The following NDEL1 variants were observed in gnomAD, a reference collection of about 807,000 sequenced individuals.
NDEL1 encodes the protein nuclear distribution protein nudE-like 1.
Under a neutral mutation model 45.7 loss-of-function variants are expected in NDEL1, and 9 were observed. The observed-to-expected ratio is 0.20, with a 90% CI of 0.12 to 0.34. NDEL1 has a LOEUF of 0.34. NDEL1 is among the 10% of genes least tolerant of loss of function. NDEL1 has a pLI of 1.00. For missense variants in NDEL1, 306 were observed against 406.2 expected (o/e 0.75, Z 2.12); for synonymous variants, 133 against 158.6 (o/e 0.84, Z 1.21).
At chr17:8,462,993 CTG>C in intron 8 of NDEL1, 1 of 223,390 alleles carries the variant, frequency 4.5e-6, no homozygotes, top group Non-Finnish European at 8.7e-6. Context: ...TTTGTCTAGT[CTG>C]TGAGCACTTC....
rs542074551 is a variant in NDEL1 at position 8,436,187 on chromosome 17, G to C, written c.-13+142G>C. ...GCCGGGCCGGGTTCCGGGGCGGCCA[G>C]CCTGGGGGCAACTGTTCCAACCGCT... On this transcript the variant is annotated intron_variant, in intron 1 of 8. Transcript: ENST00000334527. 4 of 246,030 alleles carry C rather than the reference G, an allele frequency of 1.6e-5. No individual in the cohort carries two copies. In the East Asian group the frequency reaches 5.3e-4, roughly 32 times the overall value. 15.2% of individuals were successfully genotyped at this position (246,030 alleles called of 1,614,324 possible).
At chr17:8,414,714 T>A (rs1300795019) in intron 1 of NDEL1, among the ~76,000 whole-genome samples, 2 of 151,698 alleles carry the variant, frequency 1.3e-5, no homozygotes, top group Non-Finnish European at 2.9e-5. Flanking sequence ...TGAGGCCGGG[T>A]CTTGCTATGT....
intron 1 of NDEL1, chr17:8,444,048 C>G (rs1001160264): frequency 7.1e-6 from 3 of 420,326 alleles, no homozygotes; most frequent in African/African-American, 6.2e-5. Flanking sequence ...ATCAAAGGAC[C>G]TTTGTCATGA....
intron 7 of NDEL1, among the ~76,000 whole-genome samples, chr17:8,455,273 C>T (rs1450936462): frequency 6.6e-6 from 1 of 152,240 alleles, no homozygotes; most frequent in African/African-American, 2.4e-5. Context: ...GGGACTTTAA[C>T]ATTTGGCTCA....
At chr17:8,422,371 C>T (rs1334128374) in intron 1 of NDEL1, among the ~76,000 whole-genome samples, 1 of 151,958 alleles carries the variant, frequency 6.6e-6, no homozygotes. Flanking sequence ...TGCAGTGGTG[C>T]GATCTTGGCT....
In NDEL1 at chr17:8,467,130, C is replaced by T. The variant is rs774782993; in HGVS notation, c.*107C>T. 1.2e-5 allele frequency: 14 copies of T among 1,127,154 alleles called. No homozygotes were observed. The highest frequency in any genetic ancestry group is 4.8e-5 in the East Asian group (2 of 42,016). The allele number at this position is 1,127,154 out of a possible 1,614,324, so 69.8% of individuals were successfully genotyped here. On this transcript the variant is annotated 3_prime_UTR_variant, in exon 9 of 9. Coordinates refer to ENST00000334527, the MANE Select transcript of NDEL1 (RefSeq NM_030808.5). This position sits in a 1 kb window ranked among gnomAD's most constrained non-coding sequence, Gnocchi z 6.3. The stretch of plus-strand genomic sequence containing the variant: ...AGCCCCGTGCCCCTCCGTCTGCCTC[C>T]GCACGGCTGGCAGAGGGCAGGCTGC...
At chr17:8,435,855 C>G, upstream of NDEL1, 1 of 446,516 alleles carries the variant, frequency 2.2e-6, no homozygotes, top group South Asian at 1.6e-5. Flanking sequence ...CGCCCCCGTG[C>G]GTCACAGAAT....
At chr17:8,449,936 A>G (rs927820358) in intron 5 of NDEL1, among the ~76,000 whole-genome samples, 2 of 152,218 alleles carry the variant, frequency 1.3e-5, no homozygotes, top group Admixed American at 1.3e-4. Flanking sequence ...ACAAGCAAAT[A>G]TTCTGTAAGT....
In NDEL1 at chr17:8,427,200, G is replaced by T. The variant is rs190549665; in HGVS notation, c.-13+13931G>T. On this transcript the variant is annotated intron_variant, in intron 1 of 4. Transcript: ENST00000582812. Reference sequence around the variant, plus strand: ...CTGATGGGAGAGCTGAGGTTTGGGAGTCTGAGCTGCTTTGAGTGGTCGGTG... The same window carrying T: ...CTGATGGGAGAGCTGAGGTTTGGGATTCTGAGCTGCTTTGAGTGGTCGGTG... Among the ~76,000 whole-genome samples the T allele has an allele frequency of 3.3e-5, 5 of 152,356 alleles. No homozygotes were observed. In the East Asian group the frequency reaches 9.6e-4, roughly 29 times the overall value.
At chr17:8,435,000 G>T (rs1033924546), upstream of NDEL1, among the ~76,000 whole-genome samples, 1 of 151,986 alleles carries the variant, frequency 6.6e-6, no homozygotes, top group African/African-American at 2.4e-5. Flanking sequence ...AACCTGGGAG[G>T]CGGAGGTTGC....
chr17:8,428,883 C>G (rs892364431), intron 1 of NDEL1, among the ~76,000 whole-genome samples: 2 of 151,940 alleles, frequency 1.3e-5, no homozygotes, highest in Admixed American at 6.6e-5. Context: ...CCGTGTTAGC[C>G]AAGATGGTCT....
upstream of NDEL1, among the ~76,000 whole-genome samples, chr17:8,435,626 C>G (rs1321916814): frequency 1.3e-5 from 2 of 152,248 alleles, no homozygotes; most frequent in Non-Finnish European, 2.9e-5. Flanking sequence ...GGTTCCCATC[C>G]GTCTTGGCAC....
At chr17:8,435,754 A>G (rs930170278), upstream of NDEL1, 11 of 345,300 alleles carry the variant, frequency 3.2e-5, no homozygotes, top group African/African-American at 1.8e-4. Context: ...GCTTGGCGTC[A>G]GCGCGCCGGG....
At chr17:8,439,224 G>A (rs759490840) in intron 1 of NDEL1, among the ~76,000 whole-genome samples, 12 of 150,870 alleles carry the variant, frequency 8.0e-5, no homozygotes, top group Non-Finnish European at 1.6e-4. Context: ...ACAGGTGTGA[G>A]CCACTGTGCC....
intron 1 of NDEL1, among the ~76,000 whole-genome samples, chr17:8,424,220 G>C (rs1316913477): frequency 2.0e-5 from 3 of 152,164 alleles, no homozygotes; most frequent in Admixed American, 6.5e-5. Context: ...TGAGTTAATT[G>C]CTTGATTCAT....
upstream of NDEL1, among the ~76,000 whole-genome samples, chr17:8,435,610 AAGGCAGGTTCCC>A (rs1290227027): frequency 1.2e-4 from 18 of 152,236 alleles, no homozygotes; most frequent in Non-Finnish European, 2.1e-4. Context: ...CAGAAAACTG[AAGGCAGGTTCCC>A]ATCCGTCTTG....
At chr17:8,455,329 C>T (rs1485560037) in intron 7 of NDEL1, among the ~76,000 whole-genome samples, 1 of 152,198 alleles carries the variant, frequency 6.6e-6, no homozygotes, top group Non-Finnish European at 1.5e-5. Context: ...ATTTCCTTGG[C>T]CACCTCAACT....
downstream of NDEL1, among the ~76,000 whole-genome samples, chr17:8,470,894 GC>G (rs1482196549): frequency 6.6e-6 from 1 of 152,178 alleles, no homozygotes; most frequent in Non-Finnish European, 1.5e-5. The surrounding 1 kb of genome is among the most constrained non-coding windows in gnomAD (Gnocchi z 4.2). Flanking sequence ...GCCTTTCTTG[GC>G]AGCTGCCCCG....
chr17:8,463,849 T>A (rs1171718032), intron 8 of NDEL1, among the ~76,000 whole-genome samples: 2 of 152,236 alleles, frequency 1.3e-5, no homozygotes, highest in Non-Finnish European at 2.9e-5. Flanking sequence ...AGATCTGCCT[T>A]ACATTTCAGA....
Sources: gnomAD v4.1 joint callset for allele counts (sites outside exome capture counted in the v4.1 genomes callset) on GRCh38, gnomAD v4.1.1 for gene constraint, Gnocchi (gnomAD v3.1) non-coding constraint, MANE v1.5 for transcripts, NCBI Gene and HGNC (gene_info 2026-07-23, HGNC 2026-07-21) for gene names.